Variants in SLC17A5 observed in about 807,000 individuals in gnomAD.
SLC17A5 encodes sialin.
A neutral mutation model predicts 59.4 loss-of-function variants in SLC17A5; 47 were observed. That is an observed-to-expected ratio of 0.79 (90% CI 0.63 to 1.01). SLC17A5 has a LOEUF of 1.01. Ranked by LOEUF, SLC17A5 falls within the 50% of genes least tolerant of loss-of-function variation. The probability of loss-of-function intolerance (pLI) is 0.00; values close to 1 mark genes in which losing one functional copy is unlikely to be tolerated. For missense variants in SLC17A5, 522 were observed against 595.5 expected (o/e 0.88, Z 1.28); for synonymous variants, 202 against 210.7 (o/e 0.96, Z 0.36).
At chr6:73,598,358 C>CT (rs1766911337) in intron 10 of SLC17A5, among the ~76,000 whole-genome samples, 1 of 152,136 alleles carries the variant, frequency 6.6e-6, no homozygotes. Flanking sequence ...AGGCTGGGCG[C>CT]GGTGGCTCAT....
Position 73,595,185 on chromosome 6 carries a change from G to A in SLC17A5, c.1380C>T (p.Phe460=), listed in dbSNP as rs1224327278. Residue 460 remains phenylalanine, a synonymous_variant, in exon 11 of 11, where the codon TTC becomes TTT. Coordinates refer to ENST00000355773, the MANE Select transcript of SLC17A5 (RefSeq NM_012434.5). ...AAACATTAATAGCAGCAGCAATATA[G>A]AACACGGTTTGCCATTCTCCAACAG... ...DNTVGEWQTV[F]YIAAAINVFG... is the part of the protein sequence containing the mutation. 6 of 1,614,088 alleles carry A rather than the reference G, an allele frequency of 3.7e-6. No homozygotes were observed. The highest frequency in any genetic ancestry group is 1.1e-5 in the South Asian group (1 of 91,068).
At chr6:73,624,579 TAAG>T (rs1768316049) in intron 6 of SLC17A5, among the ~76,000 whole-genome samples, 1 of 149,394 alleles carries the variant, frequency 6.7e-6, no homozygotes, top group South Asian at 2.1e-4. Context: ...ATAGATAACT[TAAG>T]AATAAATATA....
rs1460971980 is a variant in SLC17A5 at position 73,602,247 on chromosome 6, C to G, written c.1260-1806G>C. Among the ~76,000 whole-genome samples the G allele has an allele frequency of 8.1e-5, 12 of 148,906 alleles. No homozygotes were observed. In the East Asian group the frequency reaches 1.6e-3, roughly 19 times the overall value. Reference sequence around the variant, plus strand: ...AACAGATGCTTGAAGGCAGCATGCTCGTTAAGAATCATCACCACTCCCTAA... The same window carrying G: ...AACAGATGCTTGAAGGCAGCATGCTGGTTAAGAATCATCACCACTCCCTAA... On this transcript the variant is annotated intron_variant, in intron 9 of 10. Transcript: ENST00000355773.
In SLC17A5 at chr6:73,641,879, C is replaced by G; in HGVS notation, c.337G>C (p.Gly113Arg). Residue 113 changes from glycine (G) to arginine (R), a missense_variant, in exon 3 of 11, where the codon GGT becomes CGT. By Grantham distance (125) the Gly-to-Arg change is moderately radical. This residue lies in a region of SLC17A5 where 338 missense variants were observed against 363.8 expected (regional missense o/e 0.93). Coordinates refer to ENST00000355773, the MANE Select transcript of SLC17A5 (RefSeq NM_012434.5). ...ATGATGTAGCCATAAAAAAAGGAAC[C>G]GAGAATCCATCCTTGAGTTTCTGCA... is the stretch of plus-strand genomic sequence containing the variant. ...WDAETQGWIL[G>R]SFFYGYIITQ... 1 of 1,614,148 alleles carries G rather than the reference C, an allele frequency of 6.2e-7. No homozygotes were observed. The highest frequency in any genetic ancestry group is 8.5e-7 in the Non-Finnish European group (1 of 1,180,026).
intron 1 of SLC17A5, chr6:73,645,160 T>G (rs1769480345): frequency 1.1e-5 from 2 of 175,304 alleles, no homozygotes; most frequent in African/African-American, 4.8e-5. Flanking sequence ...AATAAGTACT[T>G]GAGTACTTAC....
At chr6:73,621,998 CT>C in intron 6 of SLC17A5, 36 bp from the exon 7 acceptor site, 1 of 1,599,232 alleles carries the variant, frequency 6.3e-7, no homozygotes, top group Non-Finnish European at 8.6e-7. Context: ...TAAACTACGG[CT>C]ATGTTAATGC....
chr6:73,630,929 C>G (rs1296935543), intron 6 of SLC17A5, among the ~76,000 whole-genome samples: 1 of 149,594 alleles, frequency 6.7e-6, no homozygotes, highest in Non-Finnish European at 1.5e-5. Flanking sequence ...ACCTGTTATC[C>G]CGGCTACTCG....
chr6:73,609,520 C>T (rs1489556885), intron 9 of SLC17A5, among the ~76,000 whole-genome samples: 1 of 151,892 alleles, frequency 6.6e-6, no homozygotes, highest in Admixed American at 6.6e-5. Context: ...TATATTTGCA[C>T]ATAGGTAATA....
intron 10 of SLC17A5, among the ~76,000 whole-genome samples, chr6:73,596,955 G>A (rs1310398824): frequency 6.6e-6 from 1 of 151,674 alleles, no homozygotes; most frequent in Non-Finnish European, 1.5e-5. Flanking sequence ...GAGGTCAGGA[G>A]TTCAAGACCA....
At chr6:73,602,888 CTAGCT>C (rs1767215322) in intron 9 of SLC17A5, among the ~76,000 whole-genome samples, 1 of 151,388 alleles carries the variant, frequency 6.6e-6, no homozygotes, top group Admixed American at 6.6e-5. Context: ...CTTAGCATGT[CTAGCT>C]TAAAGTTTTT....
intron 10 of SLC17A5, among the ~76,000 whole-genome samples, chr6:73,595,997 GGT>G (rs1031527926): frequency 2.7e-5 from 4 of 149,118 alleles, no homozygotes; most frequent in African/African-American, 9.9e-5. Flanking sequence ...GTAGAGATGG[GGT>G]TTCGCCATGT....
Position 73,615,458 on chromosome 6 carries a change from T to C in SLC17A5, c.979-11A>G. The C allele has an allele frequency of 6.2e-7, 1 of 1,613,434 alleles. No homozygotes were observed. The highest frequency in any genetic ancestry group is 1.1e-5 in the South Asian group (1 of 91,058). ...AGATAAAAACCCATTCTGGAAGGAA[T>C]AAGAAGATACAGGATTAATTACGGT... On this transcript the variant is annotated splice_polypyrimidine_tract_variant and intron_variant, in intron 7 of 10. Transcript: ENST00000355773.
chr6:73,653,387 C>A, intron 1 of SLC17A5: 1 of 985,398 alleles, frequency 1.0e-6, no homozygotes, highest in Non-Finnish European at 1.2e-6. Flanking sequence ...GTCCTCCGCT[C>A]GGACCTTAGC....
intron 1 of SLC17A5, among the ~76,000 whole-genome samples, chr6:73,648,766 C>T (rs192809622): frequency 6.6e-6 from 1 of 152,152 alleles, no homozygotes; most frequent in East Asian, 1.9e-4. Context: ...TCAGAGAAGG[C>T]CTCTTGGAGA....
Position 73,644,544 on chromosome 6 carries a change from T to C in SLC17A5, c.154A>G (p.Ile52Val). Reference protein sequence around the residue: ...LAILAFFGFFIVYALRVNLSV... With the variant: ...LAILAFFGFFVVYALRVNLSV... Reference sequence around the variant, plus strand: ...AGATTCACACGTAATGCATACACAATGAAGAAACCAAAAAAGGCCAAAATT... The same window carrying C: ...AGATTCACACGTAATGCATACACAACGAAGAAACCAAAAAAGGCCAAAATT... Residue 52 changes from isoleucine to valine, a missense_variant, in exon 2 of 11, where the codon ATT (isoleucine) becomes GTT (valine). Physicochemically the swap from Ile to Val is conservative, Grantham distance 29. Around this residue, in one of 3 missense-constraint regions of SLC17A5, gnomAD observed 338 missense variants for 363.8 expected, o/e 0.93. Transcript: ENST00000355773. 1 of 1,613,970 alleles carries C rather than the reference T, an allele frequency of 6.2e-7. No individual in the cohort carries two copies. Among genetic ancestry groups the C allele is most frequent in the South Asian group, 1.1e-5 (1 of 91,084 alleles).
intron 8 of SLC17A5, 82 bp downstream of exon 8, chr6:73,615,231 AAC>A (rs1023332903): frequency 2.7e-5 from 40 of 1,471,388 alleles, no homozygotes; most frequent in Middle Eastern, 1.8e-4. Flanking sequence ...AAAAGTGGGA[AAC>A]ACACTTTGTT....
At chr6:73,616,952 C>G (rs574411786) in intron 7 of SLC17A5, among the ~76,000 whole-genome samples, 1 of 151,756 alleles carries the variant, frequency 6.6e-6, no homozygotes, top group Non-Finnish European at 1.5e-5. Context: ...TTTTTCGCGT[C>G]CAATCATCAA....
intron 9 of SLC17A5, among the ~76,000 whole-genome samples, chr6:73,607,421 C>G (rs1211555718): frequency 3.3e-5 from 5 of 152,044 alleles, no homozygotes; most frequent in African/African-American, 9.7e-5. Context: ...GTCCTACCAC[C>G]CCACCTGGCT....
chr6:73,641,811 C>T lies in SLC17A5; in HGVS notation c.405G>A (p.Gly135=), dbSNP rs747101126. Residue 135 remains glycine, a synonymous_variant, in exon 3 of 11, where the codon GGG becomes GGA. Coordinates refer to ENST00000355773, the MANE Select transcript of SLC17A5 (RefSeq NM_012434.5). ...PGGYVASKIG[G]KMLLGFGILG... ...GGATCCCAAATCCTAGCAGCATTTT[C>T]CCCCCTATTTTGCTGGCAACATATC... is the stretch of plus-strand genomic sequence containing the variant. 1.2e-6 allele frequency: 2 copies of T among 1,614,098 alleles called. No homozygotes were observed. Among genetic ancestry groups the T allele is most frequent in the Admixed American group, 1.7e-5 (1 of 60,016 alleles).
Sources: gnomAD v4.1 joint callset for allele counts (sites outside exome capture counted in the v4.1 genomes callset) on GRCh38, gnomAD v4.1.1 for gene constraint, gnomAD v4.1.1 regional missense constraint, MANE v1.5 for transcripts, NCBI Gene and HGNC (gene_info 2026-07-23, HGNC 2026-07-21) for gene names.